NTSR2: variants seen among roughly 807,000 people sequenced by gnomAD.
NTSR2 encodes neurotensin receptor 2.
Under a neutral mutation model 24.1 loss-of-function variants are expected in NTSR2, and 22 were observed. The observed-to-expected ratio is 0.91, with a 90% CI of 0.65 to 1.30. The LOEUF (loss-of-function observed/expected upper bound fraction) is 1.30. Ranked by LOEUF, NTSR2 falls within the 50% of genes most tolerant of loss-of-function variation. NTSR2 has a pLI of 0.00. For missense variants in NTSR2, 570 were observed against 570.4 expected (o/e 1.00, Z 0.01); for synonymous variants, 291 against 267.0 (o/e 1.09, Z -0.88).
chr2:11,658,740 G>C lies in NTSR2; in HGVS notation c.990-18C>G, dbSNP rs368923768. The C allele has an allele frequency of 3.7e-6, 6 of 1,611,814 alleles. No homozygotes were observed. The African/African-American group carries it at 4.0e-5, about 11-fold the overall frequency. ...ACAGTGGGCTGCAAGAGAAACCCGGGAGCCTGGTTAGAGGACCTGTCACCT... is the reference window on the plus strand; with the variant it reads ...ACAGTGGGCTGCAAGAGAAACCCGGCAGCCTGGTTAGAGGACCTGTCACCT... On this transcript the variant is annotated intron_variant, in intron 3 of 3. Transcript: ENST00000306928.
At chr2:11,659,407 T>C (rs1257192826) in intron 3 of NTSR2, among the ~76,000 whole-genome samples, 6 of 152,244 alleles carry the variant, frequency 3.9e-5, no homozygotes, top group Non-Finnish European at 8.8e-5. Flanking sequence ...GCAGGTTCTC[T>C]GCAGTGGGAA....
intron 1 of NTSR2, among the ~76,000 whole-genome samples, chr2:11,663,831 T>C (rs929475693): frequency 1.3e-5 from 2 of 152,084 alleles, no homozygotes; most frequent in African/African-American, 4.8e-5. Flanking sequence ...GTATGCTCTT[T>C]AGAAATATGG....
chr2:11,662,752 G>A (rs183282829), intron 1 of NTSR2, among the ~76,000 whole-genome samples: 1 of 152,228 alleles, frequency 6.6e-6, no homozygotes, highest in African/African-American at 2.4e-5. Flanking sequence ...CTGCACTCCA[G>A]CCTGGGCAAC....
intron 2 of NTSR2, among the ~76,000 whole-genome samples, chr2:11,660,551 A>G (rs1035586608): frequency 6.6e-5 from 10 of 152,148 alleles, no homozygotes; most frequent in Non-Finnish European, 1.5e-4. Flanking sequence ...GGATCAGTTG[A>G]GGTCAGGTGT....
chr2:11,663,773 TC>T (rs566603322), intron 1 of NTSR2, among the ~76,000 whole-genome samples: 106 of 152,244 alleles, frequency 7.0e-4, no homozygotes, highest in Non-Finnish European at 1.3e-3. Context: ...ATGCTCATTT[TC>T]TGTAGATATA....
In NTSR2 at chr2:11,660,595, G is replaced by T. The variant is rs554795547; in HGVS notation, c.899-462C>A. On this transcript the variant is annotated intron_variant, in intron 2 of 3. Transcript: ENST00000306928. The stretch of plus-strand genomic sequence containing the variant: ...AGCCTGGCTAACAGGACAAAAATTA[G>T]CCAGGTGTGGTGGCAGGTGCCTGTA... 7.2e-5 allele frequency among the ~76,000 whole-genome samples: 11 copies of T among 152,266 alleles called. No homozygotes were observed. In the South Asian group the frequency reaches 1.9e-3, roughly 26 times the overall value.
intron 2 of NTSR2, among the ~76,000 whole-genome samples, chr2:11,661,426 G>A (rs1661069445): frequency 6.6e-6 from 1 of 152,156 alleles, no homozygotes; most frequent in Non-Finnish European, 1.5e-5. Context: ...GGCCTGTCTT[G>A]TACTTGATCC....
At chr2:11,669,456 C>CCCCGGGGGGGGGGGG in intron 1 of NTSR2, 50 bp downstream of exon 1, 1 of 331,924 alleles carries the variant, frequency 3.0e-6, no homozygotes, top group Non-Finnish European at 5.4e-6. Context: ...CTCCTCCCAG[C>CCCCGGGGGGGGGGGG]ACCGCCCCCC....
At chr2:11,668,106 C>T (rs1264422236) in intron 1 of NTSR2, among the ~76,000 whole-genome samples, 1 of 152,184 alleles carries the variant, frequency 6.6e-6, no homozygotes, top group East Asian at 1.9e-4. Flanking sequence ...AAGTCCCTCT[C>T]CCCTCCACAA....
At chr2:11,669,356 TA>T in intron 1 of NTSR2, 149 bp downstream of exon 1, 1 of 638,824 alleles carries the variant, frequency 1.6e-6, no homozygotes, top group Non-Finnish European at 2.3e-6. Flanking sequence ...CTCCTTCTAG[TA>T]AAATGGGACA....
At chr2:11,659,322 G>A (rs1051417496) in intron 3 of NTSR2, among the ~76,000 whole-genome samples, 1 of 152,214 alleles carries the variant, frequency 6.6e-6, no homozygotes, top group African/African-American at 2.4e-5. Context: ...CGGGTGCCCC[G>A]GACTGCTGCG....
chr2:11,669,679 G>T lies in NTSR2; in HGVS notation c.451C>A (p.Arg151=). ...GAGAGCGCCACCAGCCACCGGGTCC[G>T]GCGTGGCGTCAGCAGGCTGCGGGCA... ...LRARSLLTPR[R]TRWLVALSWA... The change falls in exon 1 of 4, where the codon CGG becomes AGG. Residue 151 remains arginine (R), a synonymous_variant. Transcript: ENST00000306928. The T allele has an allele frequency of 1.3e-6, 2 of 1,537,146 alleles. No homozygotes were observed. The highest frequency in any genetic ancestry group is 8.7e-7 in the Non-Finnish European group (1 of 1,147,344).
At chr2:11,667,441 G>A (rs894109032) in intron 1 of NTSR2, among the ~76,000 whole-genome samples, 2 of 152,058 alleles carry the variant, frequency 1.3e-5, no homozygotes, top group East Asian at 1.9e-4. Flanking sequence ...CAAACTCCTC[G>A]GTTCAAGGGA....
chr2:11,669,458 C>CCGGGGGGGG, intron 1 of NTSR2, 48 bp downstream of exon 1: 1 of 323,366 alleles, frequency 3.1e-6, no homozygotes, highest in Non-Finnish European at 5.5e-6. Context: ...CCTCCCAGCA[C>CCGGGGGGGG]CGCCCCCCCA....
rs1314669228 is a variant in NTSR2 at position 11,658,638 on chromosome 2, G to T, written c.1074C>A (p.Tyr358Ter). Residue 358 changes from tyrosine (Y) to a stop codon, truncating the protein, a stop_gained, in exon 4 of 4, where the codon TAC becomes TAA. Coordinates refer to ENST00000306928, the MANE Select transcript of NTSR2 (RefSeq NM_012344.4). LOFTEE classifies it low-confidence loss of function (END_TRUNC). ...TTCTGAAGGAGGAGGACACGGCGTT[G>T]TAGAGAAGAGGAGTCACAGCTGAGC... ...YVSSAVTPLLYNAVSSSFRKL... is the reference protein window; with the variant it reads ...YVSSAVTPLL The T allele has an allele frequency of 1.2e-6, 2 of 1,614,182 alleles. No homozygotes were observed. The highest frequency in any genetic ancestry group is 2.7e-5 in the African/African-American group (2 of 75,040).
intron 1 of NTSR2, among the ~76,000 whole-genome samples, chr2:11,664,750 G>A (rs555387243): frequency 1.1e-4 from 16 of 152,074 alleles, no homozygotes; most frequent in African/African-American, 2.7e-4. Context: ...ATAGTTTTTC[G>A]TACTTTCAAA....
At chr2:11,661,099 A>G (rs969844755) in intron 2 of NTSR2, among the ~76,000 whole-genome samples, 1 of 152,142 alleles carries the variant, frequency 6.6e-6, no homozygotes, top group African/African-American at 2.4e-5. Flanking sequence ...CAGTGTCAAC[A>G]TCAGTGAGAA....
At position 11,658,856 on chromosome 2, in the gene NTSR2, T is replaced by TTTTG. The variant is rs375162705; in HGVS notation, c.990-138_990-135dup. ...TTTCTGCTATCAGGAAGCACAGTGT[T>TTTTG]TTTGTTTGTTTGTTTGTTTTTGAGA... On this transcript the variant is annotated intron_variant, in intron 3 of 3. Coordinates refer to ENST00000306928, the MANE Select transcript of NTSR2 (RefSeq NM_012344.4). The TTTTG allele has an allele frequency of 3.1e-5, 33 of 1,080,212 alleles. 1 individual carries two copies. The highest frequency in any genetic ancestry group is 2.0e-4 in the South Asian group (13 of 64,092). 66.9% of individuals were successfully genotyped at this position (1,080,212 alleles called of 1,614,324 possible).
At position 11,661,402 on chromosome 2, in the gene NTSR2, T is replaced by G. The variant is rs143260964; in HGVS notation, c.898+565A>C. On this transcript the variant is annotated intron_variant, in intron 2 of 3. Coordinates refer to ENST00000306928, the MANE Select transcript of NTSR2 (RefSeq NM_012344.4). Reference sequence around the variant, plus strand: ...CTGTCCATACACAAGACTGTGACATTGATGACAGCAGAGGGCCTGTCTTGT... The same window carrying G: ...CTGTCCATACACAAGACTGTGACATGGATGACAGCAGAGGGCCTGTCTTGT... Among the ~76,000 whole-genome samples the G allele has an allele frequency of 3.3e-4, 51 of 152,304 alleles. 1 individual carries two copies. Among genetic ancestry groups the G allele is most frequent in the African/African-American group, 4.3e-4 (18 of 41,566 alleles).
Sources: allele counts gnomAD v4.1 joint callset (sites outside exome capture counted in the v4.1 genomes callset), GRCh38; gene constraint gnomAD v4.1.1; transcripts MANE v1.5; gene names NCBI Gene and HGNC (gene_info 2026-07-23, HGNC 2026-07-21).